Variants in SGMS1 observed in about 807,000 individuals in gnomAD.
The protein encoded by SGMS1 is phosphatidylcholine:ceramide cholinephosphotransferase 1.
In SGMS1, 13 loss-of-function variants were observed where a neutral mutation model predicts 46.2. That is an observed-to-expected ratio of 0.28 (90% CI 0.18 to 0.45). SGMS1 has a LOEUF of 0.45. SGMS1 is among the 20% of genes least tolerant of loss of function. The pLI is 1.00. For synonymous variants in SGMS1, 203 were observed against 187.8 expected, an observed-to-expected ratio of 1.08 and a Z score of -0.66; for missense variants, 324 against 519.9, an observed-to-expected ratio of 0.62 and a Z score of 3.66.
intron 6 of SGMS1, among the ~76,000 whole-genome samples, chr10:50,392,313 T>C (rs543193509): frequency 4.4e-4 from 67 of 152,196 alleles, no homozygotes; most frequent in Non-Finnish European, 6.6e-4. Flanking sequence ...AAAAACAAAA[T>C]AGAATCTAGC....
rs146858489 is a variant in SGMS1, at chr10:50,413,641, C to T, written c.-232+19835G>A. Among the ~76,000 whole-genome samples the T allele has an allele frequency of 2.6e-3, 403 of 152,300 alleles. 2 individuals are homozygous for T. The highest frequency in any genetic ancestry group is 9.4e-3 in the African/African-American group (389 of 41,552). ...CCACTAAGTGCCACTAGCACACCTC[C>T]CCAACCCCAGCTGTGACAATCAAAA... On this transcript the variant is annotated intron_variant, in intron 6 of 10. Transcript: ENST00000361781.
chr10:50,363,803 C>T (rs1354583263), intron 6 of SGMS1, among the ~76,000 whole-genome samples: 1 of 152,086 alleles, frequency 6.6e-6, no homozygotes, highest in Non-Finnish European at 1.5e-5. Flanking sequence ...AAGCTCACCT[C>T]ATGCAAAGAG....
chr10:50,564,768 TA>T (rs1838273731), intron 2 of SGMS1, among the ~76,000 whole-genome samples: 1 of 151,016 alleles, frequency 6.6e-6, no homozygotes, highest in African/African-American at 2.5e-5. Flanking sequence ...TTTTTATTTT[TA>T]TTTTTATTTA....
At chr10:50,615,504 T>C (rs533824537) in intron 1 of SGMS1, among the ~76,000 whole-genome samples, 176 of 152,296 alleles carry the variant, frequency 1.2e-3, no homozygotes, top group Non-Finnish European at 2.3e-3. Context: ...ATAACCTGCC[T>C]AAGGTCCCAC....
At chr10:50,531,510 A>G (rs1016384701) in intron 2 of SGMS1, among the ~76,000 whole-genome samples, 4 of 152,140 alleles carry the variant, frequency 2.6e-5, no homozygotes, top group Non-Finnish European at 4.4e-5. Flanking sequence ...CAGGTCTGTT[A>G]GCATGGTTAG....
rs191397576 is a variant in SGMS1 at position 50,600,648 on chromosome 10, C to T, written c.-683-10401G>A. Among the ~76,000 whole-genome samples, 4 of 152,370 alleles carry T rather than the reference C, an allele frequency of 2.6e-5. No homozygotes were observed. The East Asian group carries it at 7.7e-4, about 29-fold the overall frequency. ...GACAGAAAGGTGCTGAAAGAGAATG[C>T]TTCTGTTACCCAGCTTCAGTCCTCC... On this transcript the variant is annotated intron_variant, in intron 1 of 10. Coordinates refer to ENST00000361781, the MANE Select transcript of SGMS1 (RefSeq NM_147156.4).
chr10:50,518,710 C>T (rs948840143), intron 3 of SGMS1, among the ~76,000 whole-genome samples: 6 of 152,242 alleles, frequency 3.9e-5, no homozygotes, highest in African/African-American at 1.4e-4. Context: ...TGAGCCATCG[C>T]ACCCCGCCAC....
At chr10:50,341,317 T>A (rs1455518173) in intron 7 of SGMS1, 3 of 455,830 alleles carry the variant, frequency 6.6e-6, no homozygotes, top group African/African-American at 6.0e-5. Flanking sequence ...GTGGGCCAGA[T>A]ACACTGAAGA....
At chr10:50,395,446 C>T (rs1848835988) in intron 6 of SGMS1, among the ~76,000 whole-genome samples, 1 of 152,092 alleles carries the variant, frequency 6.6e-6, no homozygotes, top group Admixed American at 6.6e-5. Flanking sequence ...TAGTATTAGC[C>T]AACCTAAGCT....
intron 1 of SGMS1, among the ~76,000 whole-genome samples, chr10:50,610,802 C>G (rs557543622): frequency 6.6e-6 from 1 of 152,168 alleles, no homozygotes; most frequent in African/African-American, 2.4e-5. Context: ...CGGTCTGACC[C>G]TTACCAAGAA....
intron 1 of SGMS1, among the ~76,000 whole-genome samples, chr10:50,597,587 A>T (rs902728313): frequency 6.6e-6 from 1 of 152,250 alleles, no homozygotes; most frequent in Admixed American, 6.5e-5. Flanking sequence ...AGAACAGATC[A>T]GTATTGCCAG....
chr10:50,464,406 C>G (rs115457655), intron 4 of SGMS1, among the ~76,000 whole-genome samples: 1 of 152,308 alleles, frequency 6.6e-6, no homozygotes, highest in East Asian at 1.9e-4. Context: ...TACTCTCCCC[C>G]AGAGCCTCTG....
At chr10:50,572,472 G>C (rs1418479841) in intron 2 of SGMS1, among the ~76,000 whole-genome samples, 1 of 152,126 alleles carries the variant, frequency 6.6e-6, no homozygotes, top group African/African-American at 2.4e-5. Context: ...TGTTGTCAAG[G>C]TCTCTTCAGT....
intron 7 of SGMS1, among the ~76,000 whole-genome samples, chr10:50,340,989 C>T (rs1184841076): frequency 6.6e-6 from 1 of 152,098 alleles, no homozygotes; most frequent in East Asian, 1.9e-4. Context: ...TTGGAGAAGT[C>T]GTATAAAACA....
intron 3 of SGMS1, among the ~76,000 whole-genome samples, chr10:50,507,939 G>A (rs1837721578): frequency 6.6e-6 from 1 of 152,128 alleles, no homozygotes; most frequent in African/African-American, 2.4e-5. Context: ...GTTACAGTAA[G>A]CCTCAGCTTA....
intron 3 of SGMS1, among the ~76,000 whole-genome samples, chr10:50,471,020 C>A (rs552685385): frequency 1.3e-5 from 2 of 151,968 alleles, no homozygotes; most frequent in African/African-American, 4.8e-5. Flanking sequence ...CATAAAAATT[C>A]CCAAGAAATA....
Position 50,623,090 on chromosome 10 carries a change from A to G in SGMS1, c.-684+617T>C, listed in dbSNP as rs890548639. Among the ~76,000 whole-genome samples, 17 of 151,760 alleles carry G rather than the reference A, an allele frequency of 1.1e-4. 1 individual carries two copies. The highest frequency in any genetic ancestry group is 2.4e-4 in the Non-Finnish European group (16 of 67,860). On this transcript the variant is annotated intron_variant, in intron 1 of 10. Transcript: ENST00000361781. ...CCGCCCGCGAGCCTGGCGGGCTGTT[A>G]CGCGGCCTGGAGAGAAGGGGAGCGC... is the stretch of plus-strand genomic sequence containing the variant.
chr10:50,315,168 A>G (rs1564871718), intron 8 of SGMS1, among the ~76,000 whole-genome samples: 1 of 152,246 alleles, frequency 6.6e-6, no homozygotes, highest in East Asian at 1.9e-4. Flanking sequence ...GTGACTGTAT[A>G]GTAAGTCTAG....
intron 2 of SGMS1, among the ~76,000 whole-genome samples, chr10:50,546,654 T>C (rs1414534291): frequency 6.6e-6 from 1 of 151,948 alleles, no homozygotes; most frequent in African/African-American, 2.4e-5. Context: ...TTCTCACTCA[T>C]AGGTGGAATT....
Sources: allele counts gnomAD v4.1 joint callset (sites outside exome capture counted in the v4.1 genomes callset), GRCh38; gene constraint gnomAD v4.1.1; transcripts MANE v1.5; gene names NCBI Gene and HGNC (gene_info 2026-07-23, HGNC 2026-07-21).